Variants in ATRNL1 observed in about 807,000 individuals in gnomAD.
ATRNL1 encodes attractin like 1.
ATRNL1 carries 95 observed loss-of-function variants against 182.7 expected under a neutral mutation model. The observed-to-expected ratio is 0.52, with a 90% CI of 0.44 to 0.62. ATRNL1 has a LOEUF of 0.62. ATRNL1 is among the 20% of genes least tolerant of loss of function. The pLI, the probability that ATRNL1 is intolerant of heterozygous loss-of-function variation, is 0.00. For missense variants in ATRNL1, 1,471 were observed against 1,679.5 expected, an observed-to-expected ratio of 0.88 and a Z score of 2.17; for synonymous variants, 576 against 568.3, an observed-to-expected ratio of 1.01 and a Z score of -0.19.
At chr10:115,531,638 T>A (rs1554988300) in intron 25 of ATRNL1, among the ~76,000 whole-genome samples, 3 of 151,114 alleles carry the variant, frequency 2.0e-5, no homozygotes, top group African/African-American at 7.2e-5. Context: ...TTTAATTAGA[T>A]CCCATTTGTC....
chr10:115,221,578 A>G (rs1255665743), intron 9 of ATRNL1, among the ~76,000 whole-genome samples: 3 of 152,188 alleles, frequency 2.0e-5, no homozygotes, highest in African/African-American at 4.8e-5. Flanking sequence ...GGAGAGGTAC[A>G]ATGTCAAGGG....
chr10:115,521,031 T>G (rs1447875172), intron 25 of ATRNL1, among the ~76,000 whole-genome samples: 1 of 152,208 alleles, frequency 6.6e-6, no homozygotes, highest in East Asian at 1.9e-4. Flanking sequence ...AACTTTGTAC[T>G]TCAGAAAACA....
chr10:115,692,921 T>C (rs1333727903), intron 26 of ATRNL1, among the ~76,000 whole-genome samples: 1 of 152,180 alleles, frequency 6.6e-6, no homozygotes, highest in Non-Finnish European at 1.5e-5. Context: ...TGTTTTTTCA[T>C]AACCTCTTCT....
chr10:115,142,726 A>T (rs781945526), intron 5 of ATRNL1, among the ~76,000 whole-genome samples: 1 of 152,114 alleles, frequency 6.6e-6, no homozygotes. Flanking sequence ...TAGGTGAGAG[A>T]TGATGATGAT....
chr10:115,367,663 G>T (rs1338564227), intron 19 of ATRNL1, among the ~76,000 whole-genome samples: 1 of 134,456 alleles, frequency 7.4e-6, no homozygotes, highest in Non-Finnish European at 1.7e-5. Flanking sequence ...TCTACTTTTG[G>T]TCGTCGATGA....
intron 26 of ATRNL1, among the ~76,000 whole-genome samples, chr10:115,705,904 T>C (rs1946881291): frequency 6.6e-6 from 1 of 152,012 alleles, no homozygotes; most frequent in African/African-American, 2.4e-5. Flanking sequence ...GCATTACTTA[T>C]TGACAGACAT....
chr10:115,283,115 T>A (rs1852447720), intron 14 of ATRNL1, among the ~76,000 whole-genome samples: 5 of 152,120 alleles, frequency 3.3e-5, no homozygotes, highest in Admixed American at 3.3e-4. Context: ...TTATTCTGCC[T>A]TTAAAAATGC....
At chr10:115,638,000 GTC>G (rs1555028846) in intron 26 of ATRNL1, among the ~76,000 whole-genome samples, 5 of 149,786 alleles carry the variant, frequency 3.3e-5, no homozygotes, top group African/African-American at 1.0e-4. Flanking sequence ...TTTTTATAAA[GTC>G]TTTTATAAAG....
chr10:115,490,094 CT>C (rs1849223189), intron 24 of ATRNL1, among the ~76,000 whole-genome samples: 1 of 152,196 alleles, frequency 6.6e-6, no homozygotes, highest in Admixed American at 6.5e-5. Flanking sequence ...AACATATCCA[CT>C]GTTAGTCTGA....
At chr10:115,197,810 A>G (rs1848418750) in intron 8 of ATRNL1, among the ~76,000 whole-genome samples, 1 of 152,140 alleles carries the variant, frequency 6.6e-6, no homozygotes, top group Admixed American at 6.6e-5. Flanking sequence ...ATCTATATAT[A>G]AGTGAGCCCG....
chr10:115,300,321 G>A (rs1853409661), intron 16 of ATRNL1, 74 bp downstream of exon 16: 2 of 1,205,476 alleles, frequency 1.7e-6, no homozygotes, highest in Non-Finnish European at 1.2e-6. Flanking sequence ...TCCTTCTAGG[G>A]TGTAGTCTTA....
In ATRNL1 at chr10:115,093,591, G is replaced by T; in HGVS notation, c.-160G>T. Reference sequence around the variant, plus strand: ...CAGCCGAGCGGAGGCGACGGCGGTTGGGATCTGTCCCTCCTGACCGGGGAG... The same window carrying T: ...CAGCCGAGCGGAGGCGACGGCGGTTTGGATCTGTCCCTCCTGACCGGGGAG... On this transcript the variant is annotated 5_prime_UTR_variant, in exon 1 of 29. Transcript: ENST00000355044. The surrounding 1 kb of genome is among the most constrained non-coding windows in gnomAD (Gnocchi z 6.1). 1.2e-6 allele frequency: 1 copy of T among 826,644 alleles called. No individual in the cohort carries two copies. Among genetic ancestry groups the T allele is most frequent in the Non-Finnish European group, 2.0e-6 (1 of 510,112 alleles). The allele number at this position is 826,644 out of a possible 1,614,324, so 51.2% of individuals were successfully genotyped here.
At chr10:115,181,916 TAAG>T (rs1554887892) in intron 8 of ATRNL1, among the ~76,000 whole-genome samples, 1 of 151,516 alleles carries the variant, frequency 6.6e-6, no homozygotes, top group Non-Finnish European at 1.5e-5. Context: ...ATTAGACAAA[TAAG>T]AAGATGAATG....
chr10:115,584,780 C>T (rs1855400468), intron 26 of ATRNL1, among the ~76,000 whole-genome samples: 1 of 151,970 alleles, frequency 6.6e-6, no homozygotes. Flanking sequence ...TTATTTCTTG[C>T]CTTCTGCTAG....
chr10:115,754,050 T>C (rs1345650433), intron 27 of ATRNL1, among the ~76,000 whole-genome samples: 1 of 152,202 alleles, frequency 6.6e-6, no homozygotes, highest in Non-Finnish European at 1.5e-5. Flanking sequence ...TTGTTTAAGT[T>C]CTTTGTAGAT....
At chr10:115,887,212 G>A (rs538606529) in intron 28 of ATRNL1, among the ~76,000 whole-genome samples, 59 of 152,280 alleles carry the variant, frequency 3.9e-4, no homozygotes, top group African/African-American at 1.4e-3. Context: ...GAGGTCGACT[G>A]TCTCTCTGAC....
intron 26 of ATRNL1, among the ~76,000 whole-genome samples, chr10:115,677,115 G>A (rs1945887842): frequency 6.6e-6 from 1 of 151,998 alleles, no homozygotes; most frequent in African/African-American, 2.4e-5. Context: ...TTGAATAAAT[G>A]CATTCATGAA....
At chr10:115,597,633 G>A (rs1555014478) in intron 26 of ATRNL1, 6 of 440,368 alleles carry the variant, frequency 1.4e-5, no homozygotes, top group Admixed American at 1.2e-4. Flanking sequence ...CGTGCAGTGT[G>A]GGGATCTCAG....
chr10:115,176,132 C>A (rs1315435602), intron 8 of ATRNL1, among the ~76,000 whole-genome samples: 1 of 152,046 alleles, frequency 6.6e-6, no homozygotes, highest in African/African-American at 2.4e-5. Context: ...CTGTTCATAT[C>A]CTTCACCCAC....
Sources: allele counts gnomAD v4.1 joint callset (sites outside exome capture counted in the v4.1 genomes callset), GRCh38; gene constraint gnomAD v4.1.1; non-coding constraint Gnocchi (gnomAD v3.1); transcripts MANE v1.5; gene names NCBI Gene and HGNC (gene_info 2026-07-23, HGNC 2026-07-21).